ABCA10: variants seen among roughly 807,000 people sequenced by gnomAD.
ABCA10 encodes ATP binding cassette subfamily A member 10.
ABCA10 carries 169 observed loss-of-function variants against 187.5 expected under a neutral mutation model. The ratio of observed to expected loss-of-function variants is 0.90; its 90% CI spans 0.80 to 1.02. The LOEUF (loss-of-function observed/expected upper bound fraction) is 1.02, where lower values mean the gene tolerates loss of function less well. Ranked by LOEUF, ABCA10 falls within the 50% of genes least tolerant of loss-of-function variation. ABCA10 has a pLI of 0.00. For synonymous variants in ABCA10, 574 were observed against 601.8 expected, an observed-to-expected ratio of 0.95 and a Z score of 0.68; for missense variants, 1,727 against 1,812.4, an observed-to-expected ratio of 0.95 and a Z score of 0.86.
chr17:69,222,525 A>T lies in ABCA10; in HGVS notation c.199+8T>A. ...AAAAAAAATTATAATCAGTTTTTTT[A>T]TAGTTACCTGTGTATTCAGAGTGCT... On this transcript the variant is annotated splice_region_variant and intron_variant, in intron 4 of 38. Coordinates refer to ENST00000690296, the MANE Select transcript of ABCA10 (RefSeq NM_001377321.1). 1 of 1,534,224 alleles carries T rather than the reference A, an allele frequency of 6.5e-7. No homozygotes were observed. Among genetic ancestry groups the T allele is most frequent in the Non-Finnish European group, 8.7e-7 (1 of 1,150,736 alleles).
chr17:69,202,455 C>T lies in ABCA10; in HGVS notation c.1007-787G>A, dbSNP rs193099562. 1.7e-3 allele frequency among the ~76,000 whole-genome samples: 261 copies of T among 151,794 alleles called. 1 individual carries two copies. Among genetic ancestry groups the T allele is most frequent in the South Asian group, 6.2e-4 (3 of 4,818 alleles). On this transcript the variant is annotated intron_variant, in intron 9 of 38. Transcript: ENST00000690296. ...AACATATTAAGAATGTTAAGGTAGA[C>T]GTAAGGCTGGACAACTGTTGTCAAA...
At position 69,193,891 on chromosome 17, in the gene ABCA10, CA is replaced by C; in HGVS notation, c.1443del (p.Phe481LeufsTer6). ...IGFCPQFNFQ[F>X]DFLTVRENLR... is the part of the protein sequence containing the mutation. ...AGGTTTTCTCTCACAGTGAGGAAGTCAAATTGAAAATTGAACTGTGGACAAA... is the reference window on the plus strand; with the variant it reads ...AGGTTTTCTCTCACAGTGAGGAAGTCAATTGAAAATTGAACTGTGGACAAA... On this transcript the variant is annotated frameshift_variant, in exon 13 of 39. Transcript: ENST00000690296. LOFTEE classifies it high-confidence loss of function. 1.2e-6 allele frequency: 2 copies of C among 1,613,412 alleles called. No homozygotes were observed. Among genetic ancestry groups the C allele is most frequent in the Non-Finnish European group, 8.5e-7 (1 of 1,179,654 alleles).
intron 18 of ABCA10, among the ~76,000 whole-genome samples, chr17:69,188,815 C>A (rs907105762): frequency 6.6e-6 from 1 of 151,970 alleles, no homozygotes; most frequent in Non-Finnish European, 1.5e-5. Flanking sequence ...GTGTTAATTT[C>A]TTTAGGATAA....
Position 69,225,405 on chromosome 17 carries a change from C to T in ABCA10, c.-47G>A. 1 of 1,601,812 alleles carries T rather than the reference C, an allele frequency of 6.2e-7. No homozygotes were observed. Among genetic ancestry groups the T allele is most frequent in the South Asian group, 1.1e-5 (1 of 90,394 alleles). On this transcript the variant is annotated 5_prime_UTR_variant, in exon 3 of 39. Transcript: ENST00000690296. ...GACTGGTGTATATGCCACTACCAGG[C>T]CAGAGTCATTAAACTGATCCACGCT...
Position 69,149,183 on chromosome 17 carries a change from A to G in ABCA10, c.4478-95T>C. ...GAGACAGTAGCTTCAAATTGTTTAG[A>G]TACTGTAAGATATAGGCCAAATAAT... On this transcript the variant is annotated intron_variant, in intron 37 of 38. Coordinates refer to ENST00000690296, the MANE Select transcript of ABCA10 (RefSeq NM_001377321.1). The G allele has an allele frequency of 3.7e-6, 5 of 1,346,488 alleles. No homozygotes were observed. In the East Asian group the frequency reaches 9.2e-5, roughly 25 times the overall value. The allele number at this position is 1,346,488 out of a possible 1,614,324, so 83.4% of individuals were successfully genotyped here.
At chr17:69,240,505 G>A (rs2074897342) in intron 1 of ABCA10, among the ~76,000 whole-genome samples, 2 of 152,218 alleles carry the variant, frequency 1.3e-5, no homozygotes, top group South Asian at 2.1e-4. Flanking sequence ...TCCCAGAATA[G>A]AGGAAATGGA....
rs138965994 is a variant in ABCA10 at position 69,223,367 on chromosome 17, A to T, written c.35-670T>A. ...ATATAGTCTACCTACAGATTCTCTGAGGTCAAGAACACTCTCTAAGAATTA... is the reference window on the plus strand; with the variant it reads ...ATATAGTCTACCTACAGATTCTCTGTGGTCAAGAACACTCTCTAAGAATTA... On this transcript the variant is annotated intron_variant, in intron 3 of 38. Coordinates refer to ENST00000690296, the MANE Select transcript of ABCA10 (RefSeq NM_001377321.1). Among the ~76,000 whole-genome samples the T allele has an allele frequency of 1.8e-4, 27 of 152,286 alleles. 1 individual carries two copies. The East Asian group carries it at 5.2e-3, about 29-fold the overall frequency.
intron 34 of ABCA10, among the ~76,000 whole-genome samples, chr17:69,152,719 C>G (rs1017119447): frequency 1.3e-5 from 2 of 151,812 alleles, no homozygotes; most frequent in Admixed American, 6.6e-5. Context: ...CCCAGGAGGT[C>G]GAGGCTGCAG....
Position 69,182,674 on chromosome 17 carries a change from C to A in ABCA10, c.2631+1G>T, listed in dbSNP as rs2074389475. 6.3e-7 allele frequency: 1 copy of A among 1,591,622 alleles called. No individual in the cohort carries two copies. Among genetic ancestry groups the A allele is most frequent in the Non-Finnish European group, 8.5e-7 (1 of 1,172,420 alleles). On this transcript the variant is annotated splice_donor_variant, in intron 21 of 38. Coordinates refer to ENST00000690296, the MANE Select transcript of ABCA10 (RefSeq NM_001377321.1). LOFTEE classifies it high-confidence loss of function. Reference sequence around the variant, plus strand: ...AAAACAGTGCATAGAAGCAAACATACCTTCTGGTCACCAGACACTATGATG... The same window carrying A: ...AAAACAGTGCATAGAAGCAAACATAACTTCTGGTCACCAGACACTATGATG...
chr17:69,177,598 A>G (rs2074343516), intron 22 of ABCA10, among the ~76,000 whole-genome samples: 1 of 152,116 alleles, frequency 6.6e-6, no homozygotes, highest in African/African-American at 2.4e-5. Flanking sequence ...GTTCCTTAGT[A>G]TATTTCTATT....
At chr17:69,214,251 C>G (rs867817886) in intron 9 of ABCA10, among the ~76,000 whole-genome samples, 13 of 152,148 alleles carry the variant, frequency 8.5e-5, no homozygotes, top group Non-Finnish European at 1.5e-5. Context: ...CGCGGTGGCT[C>G]ACGCCTGTAA....
intron 1 of ABCA10, among the ~76,000 whole-genome samples, chr17:69,241,058 A>T (rs2074900649): frequency 1.3e-5 from 2 of 152,318 alleles, no homozygotes; most frequent in Middle Eastern, 6.8e-3. Context: ...TGAGCATCTC[A>T]AACTTAACAA....
chr17:69,204,170 C>G (rs1014931547), intron 9 of ABCA10, among the ~76,000 whole-genome samples: 1 of 152,154 alleles, frequency 6.6e-6, no homozygotes, highest in Non-Finnish European at 1.5e-5. Context: ...AAAAATCTCC[C>G]GGTAATTATT....
intron 25 of ABCA10, among the ~76,000 whole-genome samples, chr17:69,167,550 AG>A (rs2074262498): frequency 6.6e-6 from 1 of 152,176 alleles, no homozygotes; most frequent in Admixed American, 6.5e-5. Flanking sequence ...TGGGGAGTGA[AG>A]GGTTTCAAGA....
intron 26 of ABCA10, among the ~76,000 whole-genome samples, chr17:69,164,554 G>A (rs191194087): frequency 6.6e-6 from 1 of 152,100 alleles, no homozygotes; most frequent in Non-Finnish European, 1.5e-5. Flanking sequence ...GCAATTTATT[G>A]ACACTAAGTA....
At chr17:69,176,130 C>T (rs2074332529) in intron 22 of ABCA10, among the ~76,000 whole-genome samples, 1 of 152,148 alleles carries the variant, frequency 6.6e-6, no homozygotes, top group African/African-American at 2.4e-5. Flanking sequence ...ACATTTACAT[C>T]TGATATTTTA....
intron 3 of ABCA10, 83 bp downstream of exon 3, chr17:69,225,242 G>C (rs1047495721): frequency 2.1e-6 from 3 of 1,458,372 alleles, no homozygotes; most frequent in Non-Finnish European, 2.9e-6. Context: ...TGACACACAG[G>C]CTAGGTAAGT....
intron 10 of ABCA10, among the ~76,000 whole-genome samples, chr17:69,200,266 G>A (rs534621912): frequency 1.8e-4 from 27 of 152,256 alleles, no homozygotes; most frequent in African/African-American, 6.0e-4. Context: ...GACAAATTGT[G>A]TATTATTGTT....
chr17:69,175,386 T>A lies in ABCA10; in HGVS notation c.2877+20A>T. On this transcript the variant is annotated intron_variant, in intron 23 of 38. Coordinates refer to ENST00000690296, the MANE Select transcript of ABCA10 (RefSeq NM_001377321.1). ...CAAATAAAATCAATCTCAATCTAATTTCCTCTCTCTCCCTCTTACTTTATA... is the reference window on the plus strand; with the variant it reads ...CAAATAAAATCAATCTCAATCTAATATCCTCTCTCTCCCTCTTACTTTATA... The A allele has an allele frequency of 1.3e-6, 2 of 1,581,768 alleles. No individual in the cohort carries two copies. The highest frequency in any genetic ancestry group is 1.7e-6 in the Non-Finnish European group (2 of 1,159,708).
Sources: allele counts gnomAD v4.1 joint callset (sites outside exome capture counted in the v4.1 genomes callset), GRCh38; gene constraint gnomAD v4.1.1; transcripts MANE v1.5; gene names NCBI Gene and HGNC (gene_info 2026-07-23, HGNC 2026-07-21).